SLCO5A1: variants seen among roughly 807,000 people sequenced by gnomAD.
SLCO5A1 encodes organic anion transporter polypeptide-related protein 4.
SLCO5A1 carries 39 observed loss-of-function variants against 65.1 expected under a neutral mutation model. That is an observed-to-expected ratio of 0.60 (90% CI 0.46 to 0.78). SLCO5A1 has a LOEUF of 0.78. SLCO5A1 is among the 30% of genes least tolerant of loss of function. The pLI is 0.00. For synonymous variants in SLCO5A1, 438 were observed against 415.7 expected, an observed-to-expected ratio of 1.05 and a Z score of -0.65; for missense variants, 1,029 against 1,069.4, an observed-to-expected ratio of 0.96 and a Z score of 0.53.
Position 69,673,062 on chromosome 8 carries a change from C to T in SLCO5A1, c.2354G>A (p.Gly785Glu). 1 of 1,614,206 alleles carries T rather than the reference C, an allele frequency of 6.2e-7. No individual in the cohort carries two copies. Among genetic ancestry groups the T allele is most frequent in the African/African-American group, 1.3e-5 (1 of 75,046 alleles). ...TCTAGTCCGGGCATTGTCGGGGTGT[C>T]CCACTCTCTCACTCACGGTGCTCAG... ...FPLSTVSERV[G>E]HPDNARTRSC... Residue 785 changes from glycine to glutamate, a missense_variant, in exon 10 of 10, where the codon GGA becomes GAA. Coordinates refer to ENST00000260126, the MANE Select transcript of SLCO5A1 (RefSeq NM_030958.3).
intron 5 of SLCO5A1, among the ~76,000 whole-genome samples, chr8:69,724,538 T>C (rs891368180): frequency 6.6e-6 from 1 of 152,200 alleles, no homozygotes; most frequent in Non-Finnish European, 1.5e-5. Context: ...AAGTTCTACC[T>C]TCTGGACAAT....
At chr8:69,784,945 A>C (rs1052335986) in intron 2 of SLCO5A1, among the ~76,000 whole-genome samples, 1 of 139,580 alleles carries the variant, frequency 7.2e-6, no homozygotes, top group Non-Finnish European at 1.6e-5. Flanking sequence ...AAAGAAAGAA[A>C]GAAAGAAGAA....
chr8:69,767,850 A>G (rs1324027402), intron 2 of SLCO5A1, among the ~76,000 whole-genome samples: 2 of 134,780 alleles, frequency 1.5e-5, no homozygotes, highest in Admixed American at 1.6e-4. Context: ...AGATTGTGCC[A>G]TTGCAGTCCA....
At chr8:69,680,837 A>G (rs1216200509) in intron 7 of SLCO5A1, among the ~76,000 whole-genome samples, 1 of 152,216 alleles carries the variant, frequency 6.6e-6, no homozygotes, top group Non-Finnish European at 1.5e-5. Flanking sequence ...TAACTTGGCT[A>G]CTACAGCCCC....
intron 6 of SLCO5A1, among the ~76,000 whole-genome samples, chr8:69,704,385 T>C (rs1212984909): frequency 6.6e-6 from 1 of 152,184 alleles, no homozygotes; most frequent in Non-Finnish European, 1.5e-5. Flanking sequence ...TGCAATACAG[T>C]CATGGTAAGG....
At chr8:69,793,452 C>G (rs1457320769) in intron 2 of SLCO5A1, among the ~76,000 whole-genome samples, 1 of 151,110 alleles carries the variant, frequency 6.6e-6, no homozygotes, top group Non-Finnish European at 1.5e-5. Context: ...TCTTTTTTTT[C>G]CTATGTCAAT....
At chr8:69,754,635 T>C (rs1375133805) in intron 4 of SLCO5A1, among the ~76,000 whole-genome samples, 2 of 152,244 alleles carry the variant, frequency 1.3e-5, no homozygotes, top group African/African-American at 4.8e-5. Context: ...TATAGGTTTC[T>C]GGAATTAAAG....
At chr8:69,681,766 G>A (rs1442263645) in intron 7 of SLCO5A1, among the ~76,000 whole-genome samples, 1 of 151,946 alleles carries the variant, frequency 6.6e-6, no homozygotes, top group African/African-American at 2.4e-5. Context: ...ATGAAAAATG[G>A]CCATCACCCA....
rs775732727 is a variant in SLCO5A1 at position 69,673,052 on chromosome 8, G to A, written c.2364C>T (p.Asp788=). The A allele has an allele frequency of 6.2e-7, 1 of 1,614,214 alleles. No homozygotes were observed. Among genetic ancestry groups the A allele is most frequent in the Non-Finnish European group, 8.5e-7 (1 of 1,180,038 alleles). Residue 788 remains aspartate (D), a synonymous_variant, in exon 10 of 10, where the codon GAC becomes GAT. Coordinates refer to ENST00000260126, the MANE Select transcript of SLCO5A1 (RefSeq NM_030958.3). ...STVSERVGHP[D]NARTRSCPAF... is the part of the protein sequence containing the mutation. ...CTGGGCAAGATCTAGTCCGGGCATTGTCGGGGTGTCCCACTCTCTCACTCA... is the reference window on the plus strand; with the variant it reads ...CTGGGCAAGATCTAGTCCGGGCATTATCGGGGTGTCCCACTCTCTCACTCA...
At chr8:69,692,153 G>A (rs1216859728) in intron 6 of SLCO5A1, among the ~76,000 whole-genome samples, 1 of 152,208 alleles carries the variant, frequency 6.6e-6, no homozygotes, top group African/African-American at 2.4e-5. Context: ...GGAGGCTGAG[G>A]CAGGAGAATG....
chr8:69,672,393 T>C lies in SLCO5A1; in HGVS notation c.*476A>G, dbSNP rs1138541. 0.67 allele frequency: 110,702 copies of C among 164,932 alleles called. 38,756 individuals carry two copies. Among genetic ancestry groups the C allele is most frequent in the Non-Finnish European group, 0.75 (55,763 of 74,362 alleles). 10.2% of individuals were successfully genotyped at this position (164,932 alleles called of 1,614,324 possible). A position where few individuals can be genotyped will look rare whatever the true frequency, so the allele number is the denominator to read the frequency against. On this transcript the variant is annotated 3_prime_UTR_variant, in exon 10 of 10. Transcript: ENST00000260126. ...GAAAGTAAATGTAACATGCTGCACA[T>C]ACATTTTTCCAATCAAATTGCATAG...
intron 2 of SLCO5A1, among the ~76,000 whole-genome samples, chr8:69,813,631 C>T (rs1344857784): frequency 1.3e-5 from 2 of 152,198 alleles, no homozygotes; most frequent in Non-Finnish European, 2.9e-5. Context: ...TCTCAAGCCG[C>T]CGGGAGGTGG....
chr8:69,720,369 A>G (rs963566297), intron 5 of SLCO5A1, among the ~76,000 whole-genome samples: 3 of 152,232 alleles, frequency 2.0e-5, no homozygotes, highest in Non-Finnish European at 4.4e-5. Context: ...GACCCCAGAT[A>G]TTATACTAGG....
At chr8:69,711,465 G>A (rs1815254106) in intron 5 of SLCO5A1, among the ~76,000 whole-genome samples, 2 of 152,188 alleles carry the variant, frequency 1.3e-5, no homozygotes, top group Non-Finnish European at 2.9e-5. Flanking sequence ...GGCCATCAAT[G>A]GATGGATACC....
intron 3 of SLCO5A1, among the ~76,000 whole-genome samples, chr8:69,759,181 T>C (rs745593243): frequency 6.6e-6 from 1 of 152,210 alleles, no homozygotes; most frequent in Non-Finnish European, 1.5e-5. Flanking sequence ...CATTGAAAAC[T>C]TATCACTGCT....
At chr8:69,745,728 A>T (rs1816984499) in intron 4 of SLCO5A1, among the ~76,000 whole-genome samples, 2 of 152,162 alleles carry the variant, frequency 1.3e-5, no homozygotes, top group Admixed American at 6.5e-5. Flanking sequence ...AAAATAATTT[A>T]TTGTGCCAAA....
intron 6 of SLCO5A1, among the ~76,000 whole-genome samples, chr8:69,686,731 C>G (rs957871182): frequency 6.6e-6 from 1 of 152,184 alleles, no homozygotes; most frequent in Non-Finnish European, 1.5e-5. Flanking sequence ...GGCAGGGAAG[C>G]TTTGTGTAAC....
chr8:69,719,165 C>A (rs1815702466), intron 5 of SLCO5A1, among the ~76,000 whole-genome samples: 1 of 152,182 alleles, frequency 6.6e-6, no homozygotes, highest in African/African-American at 2.4e-5. Flanking sequence ...AATAAGATAG[C>A]TTAAGCCAGA....
intron 5 of SLCO5A1, among the ~76,000 whole-genome samples, chr8:69,706,481 G>A (rs1024950823): frequency 1.3e-5 from 2 of 152,122 alleles, no homozygotes; most frequent in Non-Finnish European, 2.9e-5. Flanking sequence ...TAGGAGGTGG[G>A]GCCTTTGGAA....
Sources: gnomAD v4.1 joint callset for allele counts (sites outside exome capture counted in the v4.1 genomes callset) on GRCh38, gnomAD v4.1.1 for gene constraint, MANE v1.5 for transcripts, NCBI Gene and HGNC (gene_info 2026-07-23, HGNC 2026-07-21) for gene names.